Variants in SPAG1 observed in about 807,000 individuals in gnomAD.
SPAG1 encodes sperm associated antigen 1, also known as sperm-associated antigen 1.
SPAG1 carries 69 observed loss-of-function variants against 100.5 expected under a neutral mutation model. That is an observed-to-expected ratio of 0.69 (90% confidence interval 0.57 to 0.84). The LOEUF is 0.84. Ranked by LOEUF, SPAG1 falls within the 40% of genes least tolerant of loss-of-function variation. The pLI, the probability that SPAG1 is intolerant of heterozygous loss-of-function variation, is 0.00. For missense variants in SPAG1, 955 were observed against 1,133.1 expected, an observed-to-expected ratio of 0.84 and a Z score of 2.26; for synonymous variants, 336 against 411.6, an observed-to-expected ratio of 0.82 and a Z score of 2.22.
chr8:100,212,531 CTG>C (rs906043723), intron 10 of SPAG1, among the ~76,000 whole-genome samples: 1 of 152,152 alleles, frequency 6.6e-6, no homozygotes, highest in African/African-American at 2.4e-5. Flanking sequence ...GGAAAATTTG[CTG>C]TGTTTTTAAG....
Position 100,165,873 on chromosome 8 carries a change from C to A in SPAG1, c.200C>A (p.Ala67Asp). 1 of 1,613,978 alleles carries A rather than the reference C, an allele frequency of 6.2e-7. No homozygotes were observed. Among genetic ancestry groups the A allele is most frequent in the East Asian group, 2.2e-5 (1 of 44,888 alleles). Reference sequence around the variant, plus strand: ...GAATTTTGTGAAAAGCATCTTCAAGCCTTGGCCCCTGAAAGCAGAGCTTTG... The same window carrying A: ...GAATTTTGTGAAAAGCATCTTCAAGACTTGGCCCCTGAAAGCAGAGCTTTG... ...LTEFCEKHLQ[A>D]LAPESRALRK... The change falls in exon 3 of 19, where the codon GCC becomes GAC. Residue 67 changes from alanine (A) to aspartate (D), a missense_variant. Transcript: ENST00000388798.
intron 13 of SPAG1, among the ~76,000 whole-genome samples, chr8:100,224,913 T>C (rs1341303284): frequency 2.0e-5 from 3 of 152,214 alleles, no homozygotes; most frequent in African/African-American, 7.2e-5. Flanking sequence ...AATTTTATTA[T>C]GTATATGTTA....
At chr8:100,230,868 G>A (rs190604983) in intron 14 of SPAG1, among the ~76,000 whole-genome samples, 1 of 152,174 alleles carries the variant, frequency 6.6e-6, no homozygotes, top group East Asian at 1.9e-4. Context: ...TGATCCGCCC[G>A]CCTCGGCCTC....
chr8:100,233,631 G>A, intron 16 of SPAG1, 94 bp downstream of exon 16: 2 of 1,290,182 alleles, frequency 1.6e-6, no homozygotes, highest in Non-Finnish European at 1.1e-6. Context: ...GGATGGGATT[G>A]AGGTTATTCT....
chr8:100,209,690 G>A (rs1020343225), intron 10 of SPAG1, among the ~76,000 whole-genome samples: 1 of 151,914 alleles, frequency 6.6e-6, no homozygotes, highest in Admixed American at 6.6e-5. Context: ...ATTTCTTAAA[G>A]CAATACTTTT....
rs73279018 is a variant in SPAG1 at position 100,163,669 on chromosome 8, C to T, written c.140+1249C>T. Among the ~76,000 whole-genome samples the T allele has an allele frequency of 6.1e-3, 922 of 152,286 alleles. 15 individuals carry two copies. The highest frequency in any genetic ancestry group is 0.022 in the African/African-American group (895 of 41,562). On this transcript the variant is annotated intron_variant, in intron 2 of 18. Transcript: ENST00000388798. ...CCCTATTCCTTATCACTGGGTTCTT[C>T]CCTTTTTCTCTTTCATCACCTTTAG...
intron 8 of SPAG1, among the ~76,000 whole-genome samples, chr8:100,191,063 G>A (rs1816795401): frequency 6.6e-6 from 1 of 152,122 alleles, no homozygotes; most frequent in South Asian, 2.1e-4. Context: ...TATTATCAGT[G>A]AAAATCATTC....
chr8:100,168,636 T>C (rs1815672216), intron 3 of SPAG1, among the ~76,000 whole-genome samples: 1 of 144,000 alleles, frequency 6.9e-6, no homozygotes, highest in Non-Finnish European at 1.6e-5. Context: ...CTGGGCTGCT[T>C]TGGCCCCTCA....
Position 100,239,148 on chromosome 8 carries a change from G to A in SPAG1, c.2116-92G>A. ...TTAATGTGGACCCTGCACACATACT[G>A]CACAGCTCACTACATCCACCCCACT... On this transcript the variant is annotated intron_variant, in intron 16 of 18. Transcript: ENST00000388798. The surrounding 1 kb of genome is among the most constrained non-coding windows in gnomAD (Gnocchi z 5.0). 1.3e-6 allele frequency: 1 copy of A among 740,872 alleles called. No homozygotes were observed. The highest frequency in any genetic ancestry group is 2.2e-6 in the Non-Finnish European group (1 of 449,990). 45.9% of individuals were successfully genotyped at this position (740,872 alleles called of 1,614,324 possible). A position where few individuals can be genotyped will look rare whatever the true frequency, so the allele number is the denominator to read the frequency against.
chr8:100,194,180 G>A lies in SPAG1; in HGVS notation c.1008G>A (p.Gly336=). ...CTGCATCTGAGACTCAAACCAAAGGGAAAAGGATGGTTATTCAGGAAATAG... is the reference window on the plus strand; with the variant it reads ...CTGCATCTGAGACTCAAACCAAAGGAAAAAGGATGGTTATTCAGGAAATAG... ...SEAASETQTK[G]KRMVIQEIEN... Residue 336 remains glycine (G), a synonymous_variant, in exon 10 of 19, where the codon GGG becomes GGA. Transcript: ENST00000388798. 1 of 1,611,148 alleles carries A rather than the reference G, an allele frequency of 6.2e-7. No individual in the cohort carries two copies.
intron 1 of SPAG1, among the ~76,000 whole-genome samples, chr8:100,160,668 T>C (rs1359780778): frequency 1.3e-5 from 2 of 151,438 alleles, no homozygotes; most frequent in Non-Finnish European, 2.9e-5. Context: ...AGAGTGCCCT[T>C]AGAACACAGT....
intron 13 of SPAG1, among the ~76,000 whole-genome samples, chr8:100,220,973 T>C (rs1229319509): frequency 6.6e-6 from 1 of 151,992 alleles, no homozygotes; most frequent in Non-Finnish European, 1.5e-5. Flanking sequence ...CTCAGGAGGC[T>C]GAGGCAGGAG....
intron 14 of SPAG1, among the ~76,000 whole-genome samples, 162 bp downstream of exon 14, chr8:100,225,501 GC>G (rs1463034219): frequency 6.6e-6 from 1 of 152,138 alleles, no homozygotes; most frequent in Non-Finnish European, 1.5e-5. Flanking sequence ...ACAGGGTCTT[GC>G]TCTGTTGCCC....
chr8:100,217,772 T>G (rs986846907), intron 12 of SPAG1, among the ~76,000 whole-genome samples: 3 of 152,108 alleles, frequency 2.0e-5, no homozygotes, highest in East Asian at 3.9e-4. Flanking sequence ...TCTCTCCTTT[T>G]TCGTTTTTCT....
At chr8:100,191,243 G>C in intron 8 of SPAG1, 147 bp from the exon 9 acceptor site, 1 of 584,106 alleles carries the variant, frequency 1.7e-6, no homozygotes, top group Non-Finnish European at 3.0e-6. Context: ...TCCTATGTGT[G>C]TATCAACATG....
chr8:100,193,361 A>G (rs1816893269), intron 9 of SPAG1, among the ~76,000 whole-genome samples: 2 of 152,004 alleles, frequency 1.3e-5, no homozygotes, highest in Non-Finnish European at 2.9e-5. Context: ...CTCGGGAGGC[A>G]GGGGTGGGAG....
In SPAG1 at chr8:100,239,237, C is replaced by T; in HGVS notation, c.2116-3C>T. The T allele has an allele frequency of 6.8e-7, 1 of 1,476,078 alleles. No individual in the cohort carries two copies. Among genetic ancestry groups the T allele is most frequent in the Non-Finnish European group, 9.0e-7 (1 of 1,106,064 alleles). The allele number at this position is 1,476,078 out of a possible 1,614,324, so 91.4% of individuals were successfully genotyped here. A position where few individuals can be genotyped will look rare whatever the true frequency, so the allele number is the denominator to read the frequency against. On this transcript the variant is annotated splice_region_variant and splice_polypyrimidine_tract_variant and intron_variant, in intron 16 of 18. Transcript: ENST00000388798. The surrounding 1 kb of genome is among the most constrained non-coding windows in gnomAD (Gnocchi z 5.0). Reference sequence around the variant, plus strand: ...GTTATTTTCTCTGTCTTCCTACTTACAGAATTATCAGAAAAGCTTAATTGA... The same window carrying T: ...GTTATTTTCTCTGTCTTCCTACTTATAGAATTATCAGAAAAGCTTAATTGA...
chr8:100,208,435 A>G (rs554076975), intron 10 of SPAG1, among the ~76,000 whole-genome samples: 5 of 152,326 alleles, frequency 3.3e-5, no homozygotes, highest in East Asian at 3.9e-4. Context: ...AGCCAGGACT[A>G]CAAATGGCCC....
At chr8:100,181,506 C>T (rs1479207429) in intron 4 of SPAG1, among the ~76,000 whole-genome samples, 4 of 152,164 alleles carry the variant, frequency 2.6e-5, no homozygotes, top group Non-Finnish European at 5.9e-5. Context: ...AAGTGGTTGG[C>T]ATAAAACAAC....
Sources: allele counts gnomAD v4.1 joint callset (sites outside exome capture counted in the v4.1 genomes callset), GRCh38; gene constraint gnomAD v4.1.1; non-coding constraint Gnocchi (gnomAD v3.1); transcripts MANE v1.5; gene names NCBI Gene and HGNC (gene_info 2026-07-23, HGNC 2026-07-21).